Variants in TRHDE observed in about 807,000 individuals in gnomAD.
TRHDE encodes thyrotropin releasing hormone degrading enzyme, also known as thyrotropin-releasing hormone-degrading ectoenzyme.
A neutral mutation model predicts 125.7 loss-of-function variants in TRHDE; 72 were observed. The ratio of observed to expected loss-of-function variants is 0.57; its 90% CI spans 0.47 to 0.70. The LOEUF (loss-of-function observed/expected upper bound fraction) is 0.70. TRHDE is among the 30% of genes least tolerant of loss of function. The pLI is 0.00. For missense variants in TRHDE, 1,110 were observed against 1,327.1 expected (o/e 0.84, Z 2.54); for synonymous variants, 509 against 509.1 (o/e 1.00, Z 0.00).
intron 3 of TRHDE, among the ~76,000 whole-genome samples, chr12:72,382,338 A>AG (rs1252880910): frequency 1.4e-5 from 2 of 147,736 alleles, no homozygotes; most frequent in Non-Finnish European, 3.0e-5. Context: ...GGGGTTGGGG[A>AG]GGGGGGGACA....
In TRHDE at chr12:72,659,505, A is replaced by G. The variant is rs1157044291; in HGVS notation, c.3066+2497A>G. ...TTACAGTTTTAATATTGAAGATATA[A>G]ACTTTGTAATAGGGCAATAGTTAAT... On this transcript the variant is annotated intron_variant, in intron 18 of 18. Coordinates refer to ENST00000261180, the MANE Select transcript of TRHDE (RefSeq NM_013381.3). Among the ~76,000 whole-genome samples the G allele has an allele frequency of 2.0e-5, 3 of 152,190 alleles. No homozygotes were observed. In the East Asian group the frequency reaches 5.8e-4, roughly 29 times the overall value.
intron 2 of TRHDE, among the ~76,000 whole-genome samples, chr12:72,146,763 C>G (rs1168327474): frequency 6.6e-6 from 1 of 152,224 alleles, no homozygotes; most frequent in Non-Finnish European, 1.5e-5. Flanking sequence ...AATGAACCCT[C>G]TGCCTTATTG....
chr12:72,464,349 A>G (rs1876267741), intron 3 of TRHDE, among the ~76,000 whole-genome samples: 1 of 152,230 alleles, frequency 6.6e-6, no homozygotes, highest in African/African-American at 2.4e-5. Flanking sequence ...ATAATTCTGG[A>G]GGCTGAGAAG....
intron 10 of TRHDE, among the ~76,000 whole-genome samples, chr12:72,570,226 C>T (rs1333981087): frequency 6.6e-6 from 1 of 152,130 alleles, no homozygotes; most frequent in Admixed American, 6.6e-5. Flanking sequence ...TTTCTTCTAA[C>T]TTCTTAGTTA....
intron 6 of TRHDE, among the ~76,000 whole-genome samples, chr12:72,522,209 C>T (rs571027347): frequency 6.6e-6 from 1 of 152,200 alleles, no homozygotes; most frequent in Non-Finnish European, 1.5e-5. Flanking sequence ...TAGTCACCTA[C>T]ACCAGACTGC....
intron 6 of TRHDE, among the ~76,000 whole-genome samples, chr12:72,531,594 A>G (rs1868557735): frequency 6.6e-6 from 1 of 151,600 alleles, no homozygotes; most frequent in East Asian, 1.9e-4. Context: ...AAAGTTTTGC[A>G]TTGTATATTG....
intron 12 of TRHDE, among the ~76,000 whole-genome samples, chr12:72,577,926 A>T (rs1253044410): frequency 6.6e-6 from 1 of 152,118 alleles, no homozygotes; most frequent in Non-Finnish European, 1.5e-5. Flanking sequence ...TCAAGAGATA[A>T]TTTTTCTATT....
intron 10 of TRHDE, among the ~76,000 whole-genome samples, chr12:72,571,426 T>C (rs993972696): frequency 1.3e-5 from 2 of 152,218 alleles, no homozygotes; most frequent in East Asian, 3.8e-4. Context: ...TAATATAAAG[T>C]ACAAATTAGA....
intron 2 of TRHDE, among the ~76,000 whole-genome samples, chr12:72,364,740 G>A (rs1161141502): frequency 6.6e-6 from 1 of 152,044 alleles, no homozygotes; most frequent in African/African-American, 2.4e-5. Context: ...GTCAAAGTGA[G>A]GTCAGCAGGC....
At chr12:72,517,859 G>C (rs940162478) in intron 6 of TRHDE, among the ~76,000 whole-genome samples, 9 of 151,824 alleles carry the variant, frequency 5.9e-5, no homozygotes, top group African/African-American at 1.9e-4. Flanking sequence ...TGTTCTCATT[G>C]GTTTCAAAGA....
chr12:72,333,192 G>A (rs111966930), intron 2 of TRHDE, among the ~76,000 whole-genome samples: 1 of 152,264 alleles, frequency 6.6e-6, no homozygotes, highest in African/African-American at 2.4e-5. Context: ...AAGAACTTTG[G>A]TGGTACCCAG....
intron 2 of TRHDE, among the ~76,000 whole-genome samples, chr12:72,119,235 T>G (rs1010242216): frequency 6.6e-6 from 1 of 152,176 alleles, no homozygotes; most frequent in African/African-American, 2.4e-5. Context: ...TGGTATGTTG[T>G]GTTTTCATTA....
chr12:72,127,883 A>G (rs549176880), intron 2 of TRHDE, among the ~76,000 whole-genome samples: 29 of 151,834 alleles, frequency 1.9e-4, no homozygotes, highest in African/African-American at 5.1e-4. Context: ...ATGTGTGTGT[A>G]TATATATACA....
At chr12:72,586,953 G>A (rs967703656) in intron 12 of TRHDE, among the ~76,000 whole-genome samples, 3 of 152,014 alleles carry the variant, frequency 2.0e-5, no homozygotes, top group South Asian at 4.2e-4. Flanking sequence ...TAAATTAGAG[G>A]GCAGTTATTG....
chr12:72,096,198 T>G, intron 1 of TRHDE, among the ~76,000 whole-genome samples: 1 of 151,828 alleles, frequency 6.6e-6, no homozygotes, highest in East Asian at 1.9e-4. Flanking sequence ...TCTGGAGCAC[T>G]CTGACTAATA....
intron 2 of TRHDE, among the ~76,000 whole-genome samples, chr12:72,229,682 A>C (rs1294441982): frequency 1.3e-5 from 2 of 152,246 alleles, no homozygotes; most frequent in African/African-American, 2.4e-5. Flanking sequence ...TGCCTTATGA[A>C]AGCTTACTTA....
intron 2 of TRHDE, among the ~76,000 whole-genome samples, chr12:72,159,378 C>G (rs139190692): frequency 1.3e-5 from 2 of 152,270 alleles, no homozygotes; most frequent in African/African-American, 4.8e-5. Context: ...TAACATTAGA[C>G]CTCACAACAG....
At chr12:72,656,029 A>G (rs1874696319) in intron 17 of TRHDE, among the ~76,000 whole-genome samples, 1 of 152,174 alleles carries the variant, frequency 6.6e-6, no homozygotes, top group Non-Finnish European at 1.5e-5. Context: ...TGGAAAACCT[A>G]TTATAACAGT....
chr12:72,367,152 TGATG>T (rs1434778836), intron 2 of TRHDE, among the ~76,000 whole-genome samples: 6 of 152,082 alleles, frequency 3.9e-5, no homozygotes, highest in Non-Finnish European at 8.8e-5. Context: ...TCGACTATGG[TGATG>T]GAGGGTGCCT....
Sources: gnomAD v4.1 joint callset for allele counts (sites outside exome capture counted in the v4.1 genomes callset) on GRCh38, gnomAD v4.1.1 for gene constraint, MANE v1.5 for transcripts, NCBI Gene and HGNC (gene_info 2026-07-23, HGNC 2026-07-21) for gene names.